The following TDRD5 variants were observed in gnomAD, a reference collection of about 807,000 sequenced individuals.
TDRD5 encodes the protein tudor domain containing 5.
TDRD5 carries 41 observed loss-of-function variants against 120.6 expected under a neutral mutation model. The ratio of observed to expected loss-of-function variants is 0.34; its 90% CI spans 0.26 to 0.44. TDRD5 has a LOEUF of 0.44. Among genes scored for constraint, TDRD5 ranks in the 20% least tolerant of loss-of-function variants. TDRD5 has a pLI of 1.00. For synonymous variants in TDRD5, 430 were observed against 433.7 expected (o/e 0.99, Z 0.11); for missense variants, 1,006 against 1,221.2 (o/e 0.82, Z 2.63).
chr1:179,626,097 A>G (rs1380966278), intron 6 of TDRD5, among the ~76,000 whole-genome samples: 1 of 152,122 alleles, frequency 6.6e-6, no homozygotes, highest in Non-Finnish European at 1.5e-5. Flanking sequence ...TAGCATTGGG[A>G]GATATACCTA....
chr1:179,687,348 C>A (rs7533829), intron 17 of TDRD5, among the ~76,000 whole-genome samples: 3 of 151,748 alleles, frequency 2.0e-5, no homozygotes, highest in Non-Finnish European at 2.9e-5. Context: ...TGTAGTTGAG[C>A]GGTTTTGAGT....
Position 179,630,877 on chromosome 1 carries a change from A to C in TDRD5, c.1083A>C (p.Gln361His), listed in dbSNP as rs745509164. The C allele has an allele frequency of 1.2e-5, 19 of 1,613,922 alleles. No individual in the cohort carries two copies. In the East Asian group the frequency reaches 4.0e-4, roughly 34 times the overall value. ...ILHVEFRKGH[Q>H]DLLVFDADKK... is the part of the protein sequence containing the mutation. ...ATGTTGAGTTCAGGAAAGGACACCA[A>C]GACTTACTAGTGTTTGATGCGGATA... The change falls in exon 7 of 18, where the codon CAA becomes CAC. Residue 361 changes from glutamine (Q) to histidine (H), a missense_variant. This residue lies in a region of TDRD5 where 445 missense variants were observed against 515.5 expected (regional missense o/e 0.86). Coordinates refer to ENST00000444136, the MANE Select transcript of TDRD5 (RefSeq NM_001199085.3).
Position 179,634,647 on chromosome 1 carries a change from A to G in TDRD5, c.1299+18A>G, listed in dbSNP as rs1264018126. Reference sequence around the variant, plus strand: ...TACAGCTGGTGAGTGAGGTTTAAAGACTGTGCACTGGAGATTCAGCATTAT... The same window carrying G: ...TACAGCTGGTGAGTGAGGTTTAAAGGCTGTGCACTGGAGATTCAGCATTAT... On this transcript the variant is annotated intron_variant, in intron 8 of 17. Coordinates refer to ENST00000444136, the MANE Select transcript of TDRD5 (RefSeq NM_001199085.3). 3 of 1,591,918 alleles carry G rather than the reference A, an allele frequency of 1.9e-6. No individual in the cohort carries two copies. In the South Asian group the frequency reaches 3.5e-5, roughly 18 times the overall value.
chr1:179,607,182 T>C (rs1189033801), intron 4 of TDRD5, among the ~76,000 whole-genome samples: 1 of 152,128 alleles, frequency 6.6e-6, no homozygotes, highest in African/African-American at 2.4e-5. Flanking sequence ...AGTATTATAT[T>C]TGGGGGAGTG....
chr1:179,598,795 C>G (rs1675544518), intron 4 of TDRD5, among the ~76,000 whole-genome samples: 1 of 151,862 alleles, frequency 6.6e-6, no homozygotes, highest in Non-Finnish European at 1.5e-5. Flanking sequence ...GGATTTTCTG[C>G]ATAGACCGTC....
At position 179,634,526 on chromosome 1, in the gene TDRD5, C is replaced by A; in HGVS notation, c.1196C>A (p.Ala399Asp). Residue 399 changes from alanine (A) to aspartate (D), a missense_variant, in exon 8 of 18, where the codon GCT becomes GAT. Transcript: ENST00000444136. The stretch of plus-strand genomic sequence containing the variant: ...CCACCTAGAAATTCATTGTCTACTG[C>A]TGCTGTCAAAGAGACTGTATGGAAT... ...SSPPRNSLST[A>D]AVKETVWNCP... is the part of the protein sequence containing the mutation. 6.2e-7 allele frequency: 1 copy of A among 1,613,658 alleles called. No individual in the cohort carries two copies. Among genetic ancestry groups the A allele is most frequent in the Non-Finnish European group, 8.5e-7 (1 of 1,179,922 alleles).
At chr1:179,608,753 A>AT (rs1676125022) in intron 4 of TDRD5, among the ~76,000 whole-genome samples, 2 of 148,734 alleles carry the variant, frequency 1.3e-5, no homozygotes, top group South Asian at 2.1e-4. Context: ...TTTCCTATTG[A>AT]TTTTTTTCCC....
intron 17 of TDRD5, 90 bp downstream of exon 17, chr1:179,669,494 A>G: frequency 7.2e-7 from 1 of 1,385,668 alleles, no homozygotes; most frequent in Non-Finnish European, 1.0e-6. Flanking sequence ...ATCCCTTGCA[A>G]AATATACCTT....
Position 179,635,697 on chromosome 1 carries a change from T to G in TDRD5, c.1330T>G (p.Leu444Val), listed in dbSNP as rs569263080. The G allele has an allele frequency of 2.5e-6, 4 of 1,614,070 alleles. No homozygotes were observed. The East Asian group carries it at 8.9e-5, about 36-fold the overall frequency. Reference sequence around the variant, plus strand: ...AGAAACAAACAAATCAGAGCTCAACTTGGCAATGGCAAATCATGACATCCC... The same window carrying G: ...AGAAACAAACAAATCAGAGCTCAACGTGGCAATGGCAAATCATGACATCCC... Reference protein sequence around the residue: ...QVETNKSELNLAMANHDIPPD... With the variant: ...QVETNKSELNVAMANHDIPPD... Residue 444 changes from leucine to valine, a missense_variant, in exon 9 of 18, where the codon TTG (leucine) becomes GTG (valine). By Grantham distance (32) the Leu-to-Val change is conservative (BLOSUM62 1). This residue lies in a region of TDRD5 where 445 missense variants were observed against 515.5 expected (regional missense o/e 0.86). Transcript: ENST00000444136.
intron 11 of TDRD5, among the ~76,000 whole-genome samples, chr1:179,643,942 G>T (rs1402081677): frequency 6.6e-6 from 1 of 152,070 alleles, no homozygotes; most frequent in Non-Finnish European, 1.5e-5. Flanking sequence ...AATCCTGAAA[G>T]CAGCAAGAAG....
intron 17 of TDRD5, among the ~76,000 whole-genome samples, chr1:179,685,042 A>G (rs2147818072): frequency 6.6e-6 from 1 of 152,146 alleles, no homozygotes; most frequent in African/African-American, 2.4e-5. Context: ...GAAGCTCTTT[A>G]GTTTAGTTAG....
chr1:179,656,159 G>A (rs1678996960), intron 14 of TDRD5, among the ~76,000 whole-genome samples: 1 of 152,170 alleles, frequency 6.6e-6, no homozygotes, highest in South Asian at 2.1e-4. Context: ...TAGTATCACA[G>A]CATGATTTTA....
At chr1:179,684,751 G>A (rs1041320191) in intron 17 of TDRD5, among the ~76,000 whole-genome samples, 1 of 152,218 alleles carries the variant, frequency 6.6e-6, no homozygotes, top group Non-Finnish European at 1.5e-5. Context: ...TAACTGGTAT[G>A]AGATATTATC....
chr1:179,599,147 T>G (rs1368867633), intron 4 of TDRD5, among the ~76,000 whole-genome samples: 3 of 152,114 alleles, frequency 2.0e-5, no homozygotes, highest in Non-Finnish European at 4.4e-5. Context: ...AAAATTTCTT[T>G]TCTTGGTTTT....
intron 4 of TDRD5, among the ~76,000 whole-genome samples, chr1:179,607,704 C>T (rs1676049985): frequency 6.6e-6 from 1 of 151,866 alleles, no homozygotes; most frequent in Non-Finnish European, 1.5e-5. Flanking sequence ...CCTTTGTGCT[C>T]TTATTGTGAT....
chr1:179,619,419 C>T (rs966622708), intron 5 of TDRD5, among the ~76,000 whole-genome samples: 2 of 152,072 alleles, frequency 1.3e-5, no homozygotes, highest in African/African-American at 4.8e-5. Flanking sequence ...GAGTTATGTA[C>T]ACTTAAATTT....
At chr1:179,663,042 C>T (rs1679392208) in intron 15 of TDRD5, among the ~76,000 whole-genome samples, 1 of 151,994 alleles carries the variant, frequency 6.6e-6, no homozygotes, top group Non-Finnish European at 1.5e-5. Context: ...AATTATGTTG[C>T]TCCTTCATGT....
chr1:179,681,798 C>T (rs1211278471), intron 17 of TDRD5, among the ~76,000 whole-genome samples: 1 of 149,590 alleles, frequency 6.7e-6, no homozygotes, highest in African/African-American at 2.5e-5. Context: ...GTTTGGTAGA[C>T]CATTGGATGT....
At chr1:179,665,734 A>G (rs946739200) in intron 16 of TDRD5, among the ~76,000 whole-genome samples, 1 of 152,168 alleles carries the variant, frequency 6.6e-6, no homozygotes, top group Non-Finnish European at 1.5e-5. Context: ...AGAAGTTACA[A>G]AGGTAAAATC....
Sources: gnomAD v4.1 joint callset for allele counts (sites outside exome capture counted in the v4.1 genomes callset) on GRCh38, gnomAD v4.1.1 for gene constraint, gnomAD v4.1.1 regional missense constraint, MANE v1.5 for transcripts, NCBI Gene and HGNC (gene_info 2026-07-23, HGNC 2026-07-21) for gene names.